Variants in ASCC1 observed in about 807,000 individuals in gnomAD.
ASCC1 encodes the protein activating signal cointegrator 1 complex subunit 1, also known as ASC-1 complex subunit P50.
ASCC1 carries 35 observed loss-of-function variants against 46.6 expected under a neutral mutation model. The observed-to-expected ratio is 0.75, with a 90% confidence interval of 0.57 to 0.99. ASCC1 has a LOEUF of 0.99. ASCC1 is among the 50% of genes least tolerant of loss of function. The probability of loss-of-function intolerance (pLI) is 0.00; values close to 1 mark genes in which losing one functional copy is unlikely to be tolerated. For missense variants in ASCC1, 376 were observed against 428.7 expected, an observed-to-expected ratio of 0.88 and a Z score of 1.09; for synonymous variants, 143 against 146.6, an observed-to-expected ratio of 0.98 and a Z score of 0.18.
intron 5 of ASCC1, among the ~76,000 whole-genome samples, chr10:72,194,871 T>C (rs962740353): frequency 2.0e-5 from 3 of 151,886 alleles, no homozygotes; most frequent in Non-Finnish European, 2.9e-5. Flanking sequence ...GCCTCTCAAG[T>C]AGCTAGGATT....
chr10:72,116,435 C>G (rs1212104840), intron 9 of ASCC1, among the ~76,000 whole-genome samples: 1 of 152,182 alleles, frequency 6.6e-6, no homozygotes, highest in Non-Finnish European at 1.5e-5. Context: ...AACAGAGTTC[C>G]TGTTTAAAAT....
chr10:72,120,228 A>C (rs570569914), intron 9 of ASCC1, among the ~76,000 whole-genome samples: 1 of 152,334 alleles, frequency 6.6e-6, no homozygotes, highest in African/African-American at 2.4e-5. Flanking sequence ...ACTCCATCTC[A>C]AATAAATAAA....
intron 9 of ASCC1, among the ~76,000 whole-genome samples, chr10:72,114,519 G>A (rs1195445469): frequency 1.3e-5 from 2 of 151,870 alleles, no homozygotes; most frequent in East Asian, 3.9e-4. Context: ...CAGCTACTCG[G>A]GAGGCTGAGG....
At chr10:72,214,026 C>T (rs1040133157) in intron 1 of ASCC1, among the ~76,000 whole-genome samples, 2 of 150,790 alleles carry the variant, frequency 1.3e-5, no homozygotes, top group Non-Finnish European at 1.5e-5. Context: ...CAACAGAGCA[C>T]AACTCCGTCT....
intron 7 of ASCC1, among the ~76,000 whole-genome samples, chr10:72,151,775 G>T (rs903724774): frequency 6.7e-6 from 1 of 149,950 alleles, no homozygotes; most frequent in Non-Finnish European, 1.5e-5. Context: ...TGCAACCTCC[G>T]CTTCCCCGGT....
At chr10:72,163,362 C>T (rs1849936833) in intron 5 of ASCC1, among the ~76,000 whole-genome samples, 1 of 152,064 alleles carries the variant, frequency 6.6e-6, no homozygotes, top group Admixed American at 6.5e-5. Flanking sequence ...TGGAAATAAC[C>T]CAAATGTATA....
At chr10:72,131,936 T>C (rs1845659732) in intron 8 of ASCC1, among the ~76,000 whole-genome samples, 3 of 148,922 alleles carry the variant, frequency 2.0e-5, no homozygotes, top group South Asian at 2.2e-4. Context: ...GAGTGCGATC[T>C]CGGCACACTG....
At chr10:72,120,867 G>A (rs1285298981) in intron 9 of ASCC1, among the ~76,000 whole-genome samples, 4 of 151,950 alleles carry the variant, frequency 2.6e-5, no homozygotes, top group Admixed American at 6.6e-5. Flanking sequence ...AAGTATAAGC[G>A]ATATGCTAAG....
At chr10:72,182,954 T>G (rs1304160537) in intron 5 of ASCC1, among the ~76,000 whole-genome samples, 1 of 151,932 alleles carries the variant, frequency 6.6e-6, no homozygotes, top group Non-Finnish European at 1.5e-5. Flanking sequence ...TTATGGTATA[T>G]TCCTTATACT....
intron 9 of ASCC1, among the ~76,000 whole-genome samples, chr10:72,105,499 CAAT>C (rs1210038868): frequency 6.6e-6 from 1 of 152,224 alleles, no homozygotes; most frequent in Admixed American, 6.5e-5. Flanking sequence ...AATCCTGCAT[CAAT>C]AATATCTTTA....
intron 3 of ASCC1, among the ~76,000 whole-genome samples, chr10:72,206,089 G>T: frequency 7.0e-6 from 1 of 143,108 alleles, no homozygotes; most frequent in Non-Finnish European, 1.5e-5. Flanking sequence ...GGGTGACAGA[G>T]CGAGACTCTG....
At position 72,096,200 on chromosome 10, in the gene ASCC1, G is replaced by A; in HGVS notation, c.*1134C>T. 1 of 453,446 alleles carries A rather than the reference G, an allele frequency of 2.2e-6. No individual in the cohort carries two copies. Among genetic ancestry groups the A allele is most frequent in the South Asian group, 1.6e-5 (1 of 64,406 alleles). The allele number at this position is 453,446 out of a possible 1,614,324, so 28.1% of individuals were successfully genotyped here. ...AGAATAAGGAAGGAGAAGAAGGAGA[G>A]GACATGGAGGGAGGAAGAATGTGAG... On this transcript the variant is annotated 3_prime_UTR_variant, in exon 10 of 10. Transcript: ENST00000672957.
At chr10:72,103,979 T>C (rs1400766090) in intron 9 of ASCC1, among the ~76,000 whole-genome samples, 2 of 152,214 alleles carry the variant, frequency 1.3e-5, no homozygotes, top group African/African-American at 4.8e-5. Flanking sequence ...TCCCGTGTCA[T>C]GTAAAGCTTG....
intron 7 of ASCC1, among the ~76,000 whole-genome samples, chr10:72,145,501 G>GTTTAACATCAATTCCTTAGACAGGCT: frequency 6.6e-6 from 1 of 152,274 alleles, no homozygotes; most frequent in East Asian, 1.9e-4. Flanking sequence ...TTAGATCTCA[G>GTTTAACATCAATTCCTTAGACAGGCT]TTTAACATCA....
chr10:72,210,565 C>T (rs1385875061), intron 3 of ASCC1, among the ~76,000 whole-genome samples, 167 bp downstream of exon 3: 1 of 152,172 alleles, frequency 6.6e-6, no homozygotes, highest in African/African-American at 2.4e-5. Flanking sequence ...ACATGTGGAA[C>T]AATGAAATTA....
chr10:72,201,913 G>A (rs572741553), intron 4 of ASCC1, among the ~76,000 whole-genome samples: 2 of 152,010 alleles, frequency 1.3e-5, no homozygotes, highest in East Asian at 3.9e-4. Context: ...ACTCCAGCCT[G>A]GGCAACAGAG....
At chr10:72,160,209 G>GT (rs1849480316) in intron 6 of ASCC1, among the ~76,000 whole-genome samples, 1 of 152,018 alleles carries the variant, frequency 6.6e-6, no homozygotes, top group African/African-American at 2.4e-5. Context: ...TGGCTAAACA[G>GT]TTTCATATAC....
chr10:72,197,880 T>A (rs980752539), intron 4 of ASCC1, among the ~76,000 whole-genome samples: 2 of 149,466 alleles, frequency 1.3e-5, no homozygotes, highest in Non-Finnish European at 2.9e-5. Flanking sequence ...CACTCCAGCA[T>A]GGGCAACAGA....
intron 7 of ASCC1, among the ~76,000 whole-genome samples, chr10:72,134,985 A>G (rs973626354): frequency 6.6e-6 from 1 of 152,334 alleles, no homozygotes; most frequent in East Asian, 1.9e-4. Context: ...GAAGGCAGGA[A>G]GTGCACATAA....
Sources: gnomAD v4.1 joint callset for allele counts (sites outside exome capture counted in the v4.1 genomes callset) on GRCh38, gnomAD v4.1.1 for gene constraint, MANE v1.5 for transcripts, NCBI Gene and HGNC (gene_info 2026-07-23, HGNC 2026-07-21) for gene names.